Variants in PIGN observed in about 807,000 individuals in gnomAD.
PIGN encodes the protein phosphatidylinositol glycan anchor biosynthesis class N.
Under a neutral mutation model 125.4 loss-of-function variants are expected in PIGN, and 117 were observed. That is an observed-to-expected ratio of 0.93 (90% CI 0.80 to 1.09). PIGN has a LOEUF of 1.09. Among genes scored for constraint, PIGN ranks in the 50% least tolerant of loss-of-function variants. PIGN has a pLI of 0.00. For synonymous variants in PIGN, 392 were observed against 377.8 expected (o/e 1.04, Z -0.44); for missense variants, 1,075 against 1,094.9 (o/e 0.98, Z 0.26).
intron 23 of PIGN, among the ~76,000 whole-genome samples, chr18:62,025,148 T>C (rs73964834): frequency 0.021 from 3,215 of 152,322 alleles, 114 homozygotes; most frequent in African/African-American, 0.073. Flanking sequence ...TGGAGACACA[T>C]CATGTTCATC....
intron 30 of PIGN, among the ~76,000 whole-genome samples, chr18:62,059,805 A>C (rs2032003784): frequency 6.6e-6 from 1 of 152,248 alleles, no homozygotes; most frequent in Non-Finnish European, 1.5e-5. Context: ...GAAAATAGAT[A>C]AATTTTATGG....
At chr18:62,123,907 C>T (rs901321779) in intron 14 of PIGN, among the ~76,000 whole-genome samples, 1 of 141,010 alleles carries the variant, frequency 7.1e-6, no homozygotes, top group African/African-American at 2.7e-5. Context: ...CTCATTATAT[C>T]TTCTGTGACT....
intron 23 of PIGN, among the ~76,000 whole-genome samples, chr18:62,020,677 C>T (rs1369950986): frequency 3.3e-5 from 5 of 151,704 alleles, no homozygotes; most frequent in African/African-American, 4.8e-5. Context: ...TGGCCGGGCG[C>T]GGTGGCTCAT....
chr18:62,132,107 C>G (rs1030093405), intron 14 of PIGN, among the ~76,000 whole-genome samples: 1 of 139,830 alleles, frequency 7.2e-6, no homozygotes, highest in Non-Finnish European at 1.7e-5. Flanking sequence ...TGTGTGACAA[C>G]AGTACTCTTT....
At chr18:62,104,767 T>C (rs781492232) in intron 20 of PIGN, among the ~76,000 whole-genome samples, 2 of 152,148 alleles carry the variant, frequency 1.3e-5, no homozygotes, top group African/African-American at 4.8e-5. Context: ...TTAGAATGTT[T>C]TAAAAAATGC....
intron 23 of PIGN, among the ~76,000 whole-genome samples, chr18:62,033,316 G>A (rs1357280880): frequency 6.6e-6 from 1 of 152,204 alleles, no homozygotes; most frequent in East Asian, 1.9e-4. Flanking sequence ...GATTTGTAAA[G>A]TTGGATTGAG....
At chr18:62,060,482 T>C (rs17706909) in intron 30 of PIGN, among the ~76,000 whole-genome samples, 25,746 of 152,248 alleles carry the variant, frequency 0.17, 2,937 homozygotes, top group Middle Eastern at 0.28. Context: ...TGAGAATCAT[T>C]GGTTTTAATA....
At chr18:62,120,997 A>G (rs2035282109) in intron 14 of PIGN, among the ~76,000 whole-genome samples, 1 of 152,212 alleles carries the variant, frequency 6.6e-6, no homozygotes, top group Non-Finnish European at 1.5e-5. Flanking sequence ...TTAAAAGTGA[A>G]AGGATATGAG....
chr18:62,050,512 G>A (rs1417197575), intron 30 of PIGN, among the ~76,000 whole-genome samples: 1 of 151,112 alleles, frequency 6.6e-6, no homozygotes, highest in Admixed American at 6.6e-5. Flanking sequence ...GTCTGTTGTT[G>A]GTGTATAAGA....
At chr18:62,155,208 A>T (rs1198147793) in intron 6 of PIGN, among the ~76,000 whole-genome samples, 1 of 152,188 alleles carries the variant, frequency 6.6e-6, no homozygotes, top group African/African-American at 2.4e-5. Context: ...ATATATTTGC[A>T]AGAGTGTATT....
intron 1 of PIGN, among the ~76,000 whole-genome samples, chr18:62,166,349 C>A (rs1395007835): frequency 6.6e-6 from 1 of 152,178 alleles, no homozygotes; most frequent in African/African-American, 2.4e-5. Context: ...GAAGTAGGCC[C>A]CTCCTCCATC....
intron 11 of PIGN, among the ~76,000 whole-genome samples, chr18:62,142,121 A>G (rs2036160879): frequency 6.6e-6 from 1 of 152,246 alleles, no homozygotes; most frequent in African/African-American, 2.4e-5. Context: ...TTTGTACAAC[A>G]GACTGATGAG....
intron 1 of PIGN, among the ~76,000 whole-genome samples, chr18:62,173,472 T>C (rs1300745447): frequency 6.6e-6 from 1 of 152,160 alleles, no homozygotes; most frequent in Non-Finnish European, 1.5e-5. Flanking sequence ...GCTGAAGCAA[T>C]CCTCTCACCT....
Position 62,088,207 on chromosome 18 carries a change from T to A in PIGN, c.2370+549A>T, listed in dbSNP as rs148934924. The stretch of plus-strand genomic sequence containing the variant: ...AATAAAATAAAATAAAGGAAATACA[T>A]CCCTATGATTTCTTGCAGCTAGTCA... On this transcript the variant is annotated intron_variant, in intron 25 of 30. Coordinates refer to ENST00000640252, the MANE Select transcript of PIGN (RefSeq NM_176787.5). Among the ~76,000 whole-genome samples, 7 of 152,242 alleles carry A rather than the reference T, an allele frequency of 4.6e-5. No homozygotes were observed. In the East Asian group the frequency reaches 1.4e-3, roughly 29 times the overall value.
chr18:62,084,251 G>A (rs1267992111), intron 27 of PIGN, among the ~76,000 whole-genome samples: 3 of 152,192 alleles, frequency 2.0e-5, no homozygotes, highest in Non-Finnish European at 4.4e-5. Context: ...TAGCAGCACT[G>A]CAGTTTGATC....
At chr18:62,088,137 C>T (rs114669883) in intron 25 of PIGN, among the ~76,000 whole-genome samples, 3,386 of 152,188 alleles carry the variant, frequency 0.022, 105 homozygotes, top group African/African-American at 0.058. Context: ...AAAATATACA[C>T]CTTAAATATA....
intron 30 of PIGN, among the ~76,000 whole-genome samples, chr18:62,053,851 T>C (rs1360336997): frequency 6.6e-6 from 1 of 152,128 alleles, no homozygotes; most frequent in Non-Finnish European, 1.5e-5. Flanking sequence ...TTCTGGGCCA[T>C]AAAACAAACC....
At chr18:62,123,951 G>T in intron 14 of PIGN, among the ~76,000 whole-genome samples, 1 of 151,712 alleles carries the variant, frequency 6.6e-6, no homozygotes, top group East Asian at 1.9e-4. Context: ...AGACAAAACT[G>T]TATAGAAAAG....
chr18:62,053,660 T>C (rs540447825), intron 30 of PIGN, among the ~76,000 whole-genome samples: 11 of 152,256 alleles, frequency 7.2e-5, no homozygotes, highest in African/African-American at 2.4e-4. Context: ...GCAAACAGAC[T>C]TCAGAGCAAA....
Sources: allele counts gnomAD v4.1 joint callset (sites outside exome capture counted in the v4.1 genomes callset), GRCh38; gene constraint gnomAD v4.1.1; transcripts MANE v1.5; gene names NCBI Gene and HGNC (gene_info 2026-07-23, HGNC 2026-07-21).